GRM5: variants seen among roughly 807,000 people sequenced by gnomAD.
GRM5 encodes metabotropic glutamate receptor 5.
GRM5 carries 19 observed loss-of-function variants against 83.1 expected under a neutral mutation model. The observed-to-expected ratio is 0.23, with a 90% CI of 0.16 to 0.34. The LOEUF (loss-of-function observed/expected upper bound fraction) is 0.34, where lower values mean the gene tolerates loss of function less well. GRM5 is among the 10% of genes least tolerant of loss of function. GRM5 has a pLI of 1.00. For missense variants in GRM5, 1,160 were observed against 1,588.3 expected (o/e 0.73, Z 4.58); for synonymous variants, 675 against 633.6 (o/e 1.07, Z -0.98).
At position 88,506,999 on chromosome 11, in the gene GRM5, A is replaced by C. The variant is rs1343957411; in HGVS notation, c.*1593T>G. ...CAACTGAACTTTAAATTTATAGGAC[A>C]CCTCCTCCATTTATTACTATCCTTA... On this transcript the variant is annotated 3_prime_UTR_variant, in exon 10 of 10. Transcript: ENST00000305447. 6.9e-6 allele frequency: 1 copy of C among 145,194 alleles called. No individual in the cohort carries two copies. Among genetic ancestry groups the C allele is most frequent in the Non-Finnish European group, 1.5e-5 (1 of 67,998 alleles). The allele number at this position is 145,194 out of a possible 1,614,324, so 9.0% of individuals were successfully genotyped here.
At chr11:88,651,516 A>G (rs1330613169) in intron 4 of GRM5, among the ~76,000 whole-genome samples, 3 of 152,058 alleles carry the variant, frequency 2.0e-5, no homozygotes, top group African/African-American at 7.2e-5. Flanking sequence ...GAGAGAAAAG[A>G]AATCTGTTGT....
At chr11:88,612,399 G>T (rs1268005438) in intron 4 of GRM5, among the ~76,000 whole-genome samples, 26 of 151,418 alleles carry the variant, frequency 1.7e-4, no homozygotes, top group African/African-American at 6.3e-4. Flanking sequence ...CCAAGTCTTT[G>T]CTATTGTGAA....
intron 2 of GRM5, among the ~76,000 whole-genome samples, chr11:88,863,457 T>G (rs1314350186): frequency 4.6e-5 from 7 of 152,132 alleles, no homozygotes; most frequent in Admixed American, 4.6e-4. Flanking sequence ...TCATGTCCTT[T>G]GCAGGGACAT....
At chr11:88,597,449 A>G in intron 5 of GRM5, 97 bp from the exon 6 acceptor site, 1 of 639,156 alleles carries the variant, frequency 1.6e-6, no homozygotes, top group Non-Finnish European at 2.6e-6. Context: ...GTCTATTGTC[A>G]TATAAGTAGC....
intron 2 of GRM5, among the ~76,000 whole-genome samples, chr11:88,861,518 T>C (rs991779335): frequency 1.3e-5 from 2 of 152,048 alleles, no homozygotes; most frequent in African/African-American, 4.8e-5. Flanking sequence ...AAGGCTGGAG[T>C]GCAGTGGTAC....
intron 8 of GRM5, among the ~76,000 whole-genome samples, chr11:88,564,967 A>C (rs1942842510): frequency 6.6e-6 from 1 of 152,244 alleles, no homozygotes; most frequent in South Asian, 2.1e-4. Flanking sequence ...TGGGTACAGT[A>C]ACTTTCATGA....
At chr11:88,566,988 A>G in intron 8 of GRM5, 65 bp downstream of exon 8, 2 of 1,060,826 alleles carry the variant, frequency 1.9e-6, no homozygotes, top group East Asian at 2.4e-5. Flanking sequence ...TAAAAGACCC[A>G]GGAAACACAT....
At chr11:88,544,887 T>C (rs915484809) in intron 8 of GRM5, among the ~76,000 whole-genome samples, 1 of 152,228 alleles carries the variant, frequency 6.6e-6, no homozygotes. Context: ...CTTGATAGTT[T>C]GCACATTATA....
At chr11:88,807,611 CTT>C (rs1451427055) in intron 3 of GRM5, among the ~76,000 whole-genome samples, 1 of 152,008 alleles carries the variant, frequency 6.6e-6, no homozygotes, top group African/African-American at 2.4e-5. Context: ...GGTATGCCAT[CTT>C]TTTGAGAAAC....
rs1311897979 is a variant in GRM5 at position 89,053,797 on chromosome 11, G to C, written c.-200-5725C>G. On this transcript the variant is annotated intron_variant, in intron 1 of 9. Coordinates refer to ENST00000305447, the MANE Select transcript of GRM5 (RefSeq NM_001143831.3). ...TGAAAAAATAACATTTGAGTAAATA[G>C]CTAAAAGAATTAAAGGAATGAGTCA... Among the ~76,000 whole-genome samples, 3 of 152,110 alleles carry C rather than the reference G, an allele frequency of 2.0e-5. No individual in the cohort carries two copies. The East Asian group carries it at 5.8e-4, about 29-fold the overall frequency.
At chr11:88,723,459 G>A (rs544007707) in intron 3 of GRM5, among the ~76,000 whole-genome samples, 18 of 152,140 alleles carry the variant, frequency 1.2e-4, no homozygotes, top group East Asian at 1.2e-3. Context: ...CTGTTTGTTC[G>A]TTTGTATTCC....
At chr11:88,812,551 T>G (rs1433610534) in intron 3 of GRM5, among the ~76,000 whole-genome samples, 1 of 152,116 alleles carries the variant, frequency 6.6e-6, no homozygotes, top group Non-Finnish European at 1.5e-5. Flanking sequence ...ATAAAGCAAC[T>G]AAGACAAGGA....
chr11:88,670,837 A>G (rs758833314), intron 3 of GRM5, among the ~76,000 whole-genome samples: 24 of 152,108 alleles, frequency 1.6e-4, no homozygotes, highest in East Asian at 3.9e-4. Flanking sequence ...GCAATTCTCA[A>G]TCATTGATTT....
chr11:88,740,860 G>A (rs1263448952), intron 3 of GRM5, among the ~76,000 whole-genome samples: 1 of 152,000 alleles, frequency 6.6e-6, no homozygotes, highest in Non-Finnish European at 1.5e-5. Context: ...GATTTGGCAG[G>A]TTGGAGGAAG....
intron 8 of GRM5, among the ~76,000 whole-genome samples, chr11:88,556,078 G>A (rs192722787): frequency 1.2e-3 from 176 of 152,232 alleles, no homozygotes; most frequent in Middle Eastern, 3.4e-3. Context: ...TGCCACCGAA[G>A]GATGTAATGA....
At chr11:88,901,756 T>C (rs1359305177) in intron 2 of GRM5, among the ~76,000 whole-genome samples, 1 of 152,202 alleles carries the variant, frequency 6.6e-6, no homozygotes, top group South Asian at 2.1e-4. Context: ...AACAGAAGTC[T>C]TCCCATAGCC....
At chr11:89,063,234 G>GA (rs1184134800) in intron 1 of GRM5, among the ~76,000 whole-genome samples, 1 of 152,222 alleles carries the variant, frequency 6.6e-6, no homozygotes, top group Non-Finnish European at 1.5e-5. Context: ...AAGGCATGCA[G>GA]AATCTCCTTT....
At chr11:88,713,412 T>A (rs547995486) in intron 3 of GRM5, among the ~76,000 whole-genome samples, 1 of 152,090 alleles carries the variant, frequency 6.6e-6, no homozygotes, top group East Asian at 1.9e-4. Flanking sequence ...ATGAAACAAG[T>A]TTGGTCATTA....
chr11:89,013,032 T>C (rs553439699), intron 2 of GRM5, among the ~76,000 whole-genome samples: 1 of 152,334 alleles, frequency 6.6e-6, no homozygotes, highest in South Asian at 2.1e-4. Context: ...ATTAGCTGTT[T>C]CATTTCAAAT....
Sources: allele counts gnomAD v4.1 joint callset (sites outside exome capture counted in the v4.1 genomes callset), GRCh38; gene constraint gnomAD v4.1.1; transcripts MANE v1.5; gene names NCBI Gene and HGNC (gene_info 2026-07-23, HGNC 2026-07-21).